The following KCNIP4 variants were observed in gnomAD, a reference collection of about 807,000 sequenced individuals.
The protein encoded by KCNIP4 is Kv channel-interacting protein 4.
A neutral mutation model predicts 34.0 loss-of-function variants in KCNIP4; 12 were observed. The ratio of observed to expected loss-of-function variants is 0.35; its 90% CI spans 0.23 to 0.57. The LOEUF is 0.57. Among genes scored for constraint, KCNIP4 ranks in the 20% least tolerant of loss-of-function variants. KCNIP4 has a pLI of 0.83. For missense variants in KCNIP4, 238 were observed against 311.7 expected, an observed-to-expected ratio of 0.76 and a Z score of 1.78; for synonymous variants, 124 against 102.2, an observed-to-expected ratio of 1.21 and a Z score of -1.29.
chr4:20,833,401 C>T (rs1226320959), intron 3 of KCNIP4, among the ~76,000 whole-genome samples: 1 of 152,106 alleles, frequency 6.6e-6, no homozygotes, highest in African/African-American at 2.4e-5. Flanking sequence ...AGGAGAATCA[C>T]TTAAACCCGG....
intron 1 of KCNIP4, among the ~76,000 whole-genome samples, chr4:21,417,621 T>C (rs116035495): frequency 1.3e-5 from 2 of 152,100 alleles, no homozygotes; most frequent in Non-Finnish European, 2.9e-5. Context: ...GGAGGTCACA[T>C]TGGCCCACCC....
intron 1 of KCNIP4, among the ~76,000 whole-genome samples, chr4:21,324,255 G>A (rs1714800077): frequency 1.3e-5 from 2 of 151,892 alleles, no homozygotes; most frequent in African/African-American, 4.8e-5. Flanking sequence ...AATTTGATAT[G>A]ATTCCTTTTG....
intron 1 of KCNIP4, among the ~76,000 whole-genome samples, chr4:21,636,375 A>G (rs1244824308): frequency 6.6e-6 from 1 of 152,206 alleles, no homozygotes; most frequent in Non-Finnish European, 1.5e-5. Context: ...ACTGCCAAGA[A>G]ACGGAAAAGT....
At chr4:21,270,168 G>A (rs1319741671) in intron 1 of KCNIP4, among the ~76,000 whole-genome samples, 6 of 152,156 alleles carry the variant, frequency 3.9e-5, no homozygotes, top group African/African-American at 1.4e-4. Context: ...GCAATACCTA[G>A]CACAATGGTT....
intron 1 of KCNIP4, among the ~76,000 whole-genome samples, chr4:21,655,313 TA>T (rs1227662352): frequency 6.6e-6 from 1 of 151,984 alleles, no homozygotes; most frequent in Non-Finnish European, 1.5e-5. Context: ...GCCAAAGAAC[TA>T]ATCATGGCCA....
intron 1 of KCNIP4, among the ~76,000 whole-genome samples, chr4:21,299,484 A>T (rs1324379610): frequency 6.6e-6 from 1 of 152,158 alleles, no homozygotes; most frequent in Non-Finnish European, 1.5e-5. Flanking sequence ...TCATTACTAG[A>T]TGGTGTAAAA....
chr4:21,105,481 G>T lies in KCNIP4; in HGVS notation c.62-222772C>A, dbSNP rs531554500. 8.5e-4 allele frequency among the ~76,000 whole-genome samples: 129 copies of T among 151,792 alleles called. 2 individuals carry two copies. Among genetic ancestry groups the T allele is most frequent in the African/African-American group, 2.6e-3 (106 of 41,090 alleles). On this transcript the variant is annotated intron_variant, in intron 1 of 8. Transcript: ENST00000382152. Reference sequence around the variant, plus strand: ...GATTTGCTGAAGTTGCTTATCAGCTGAAGGAGATTTTGGGCTGAGACAATG... The same window carrying T: ...GATTTGCTGAAGTTGCTTATCAGCTTAAGGAGATTTTGGGCTGAGACAATG...
chr4:21,270,069 G>A (rs1762048559), intron 1 of KCNIP4, among the ~76,000 whole-genome samples: 1 of 152,176 alleles, frequency 6.6e-6, no homozygotes, highest in African/African-American at 2.4e-5. Context: ...ATAAGAGCAT[G>A]AGTGGGAGCA....
chr4:21,138,511 C>A (rs1210668939), intron 1 of KCNIP4, among the ~76,000 whole-genome samples: 1 of 143,120 alleles, frequency 7.0e-6, no homozygotes, highest in African/African-American at 2.7e-5. Context: ...AAAGGTAAGG[C>A]ACTTCTTTCT....
At chr4:21,394,394 A>G (rs1722806523) in intron 1 of KCNIP4, among the ~76,000 whole-genome samples, 1 of 152,122 alleles carries the variant, frequency 6.6e-6, no homozygotes, top group Non-Finnish European at 1.5e-5. Flanking sequence ...TAGTTAAGTG[A>G]CCCAGAACTG....
At chr4:21,825,789 T>G (rs1393406189) in intron 1 of KCNIP4, among the ~76,000 whole-genome samples, 1 of 152,166 alleles carries the variant, frequency 6.6e-6, no homozygotes, top group Non-Finnish European at 1.5e-5. Flanking sequence ...CATGCTCTCA[T>G]GGAAACCATA....
intron 1 of KCNIP4, among the ~76,000 whole-genome samples, chr4:21,478,407 C>A (rs994577349): frequency 1.1e-4 from 16 of 152,058 alleles, no homozygotes; most frequent in Non-Finnish European, 1.2e-4. Context: ...ATGCAAAACC[C>A]ACAAGTATCT....
At chr4:21,429,122 G>T (rs1726198382) in intron 1 of KCNIP4, among the ~76,000 whole-genome samples, 1 of 152,052 alleles carries the variant, frequency 6.6e-6, no homozygotes, top group Admixed American at 6.6e-5. Context: ...AATCCTCTGT[G>T]CGCCGCCTAT....
At chr4:21,053,056 T>C (rs1743068113) in intron 1 of KCNIP4, among the ~76,000 whole-genome samples, 1 of 151,258 alleles carries the variant, frequency 6.6e-6, no homozygotes, top group South Asian at 2.1e-4. Flanking sequence ...TATATATAAA[T>C]AAAAATCTGA....
At chr4:20,974,074 AG>A (rs1735245134) in intron 1 of KCNIP4, among the ~76,000 whole-genome samples, 1 of 152,236 alleles carries the variant, frequency 6.6e-6, no homozygotes, top group Admixed American at 6.5e-5. Context: ...AGGCCTGCTC[AG>A]CAGGGTTGCC....
At chr4:20,987,224 T>C (rs1326441584) in intron 1 of KCNIP4, among the ~76,000 whole-genome samples, 1 of 152,204 alleles carries the variant, frequency 6.6e-6, no homozygotes, top group Admixed American at 6.5e-5. Flanking sequence ...ACTCTACCTC[T>C]ATTTTTAATG....
intron 1 of KCNIP4, among the ~76,000 whole-genome samples, chr4:21,799,200 T>C (rs774480721): frequency 6.6e-6 from 1 of 152,172 alleles, no homozygotes; most frequent in Non-Finnish European, 1.5e-5. Context: ...GAATTTTCTT[T>C]AGTATTCACA....
chr4:21,676,844 T>C lies in KCNIP4; in HGVS notation c.61+271727A>G, dbSNP rs192226676. On this transcript the variant is annotated intron_variant, in intron 1 of 8. Transcript: ENST00000382152. Reference sequence around the variant, plus strand: ...GAAATACTGAGTATGTCTTTAAATATATCAGATAAAATTACATAATTAATA... The same window carrying C: ...GAAATACTGAGTATGTCTTTAAATACATCAGATAAAATTACATAATTAATA... Among the ~76,000 whole-genome samples, 88 of 152,252 alleles carry C rather than the reference T, an allele frequency of 5.8e-4. 1 individual carries two copies. The highest frequency in any genetic ancestry group is 2.6e-3 in the Admixed American group (40 of 15,290).
intron 1 of KCNIP4, among the ~76,000 whole-genome samples, chr4:21,070,601 T>A (rs1044491968): frequency 6.6e-6 from 1 of 151,686 alleles, no homozygotes; most frequent in Non-Finnish European, 1.5e-5. Context: ...TGATTAAGTA[T>A]GTGTTCATAT....
Sources: allele counts gnomAD v4.1 joint callset (sites outside exome capture counted in the v4.1 genomes callset), GRCh38; gene constraint gnomAD v4.1.1; transcripts MANE v1.5; gene names NCBI Gene and HGNC (gene_info 2026-07-23, HGNC 2026-07-21).